NRG1: variants seen among roughly 807,000 people sequenced by gnomAD.
NRG1 encodes the protein pro-neuregulin-1, membrane-bound isoform.
NRG1 carries 18 observed loss-of-function variants against 63.8 expected under a neutral mutation model. The observed-to-expected ratio is 0.28, with a 90% CI of 0.19 to 0.42. NRG1 has a LOEUF of 0.42. NRG1 is among the 10% of genes least tolerant of loss of function. NRG1 has a pLI of 1.00. For synonymous variants in NRG1, 302 were observed against 301.3 expected, an observed-to-expected ratio of 1.00 and a Z score of -0.02; for missense variants, 762 against 814.7, an observed-to-expected ratio of 0.94 and a Z score of 0.79.
rs191561092 is a variant in NRG1 at position 32,678,697 on chromosome 8, T to A, written c.503-49252T>A. ...GAGGTTAAATTGGACTTCCGGGCTT[T>A]GGTGAAATTAATTAATACCACTTCA... On this transcript the variant is annotated intron_variant, in intron 5 of 11. Coordinates refer to ENST00000356819, the Ensembl canonical transcript of NRG1. Among the ~76,000 whole-genome samples, 7 of 152,304 alleles carry A rather than the reference T, an allele frequency of 4.6e-5. No individual in the cohort carries two copies. In the East Asian group the frequency reaches 1.4e-3, roughly 29 times the overall value.
intron 1 of NRG1, among the ~76,000 whole-genome samples, chr8:32,253,643 T>C (rs1849365590): frequency 6.6e-6 from 1 of 152,212 alleles, no homozygotes; most frequent in South Asian, 2.1e-4. Flanking sequence ...GTTATTAGCC[T>C]GGCATTTTCT....
chr8:32,138,266 T>G lies in NRG1; in HGVS notation c.38-457562T>G, dbSNP rs73232226. Among the ~76,000 whole-genome samples, 248 of 152,218 alleles carry G rather than the reference T, an allele frequency of 1.6e-3. 1 individual carries two copies. Among genetic ancestry groups the G allele is most frequent in the Non-Finnish European group, 3.0e-3 (201 of 68,010 alleles). On this transcript the variant is annotated intron_variant, in intron 1 of 10. Transcript: ENST00000519301. ...GCAATAAATAGAATATATCATTGTT[T>G]CACTGCGGACAGAATGTCTGTGCTC...
At chr8:32,746,958 G>C (rs1827560682) in intron 7 of NRG1, among the ~76,000 whole-genome samples, 1 of 148,434 alleles carries the variant, frequency 6.7e-6, no homozygotes, top group Admixed American at 6.8e-5. Flanking sequence ...GGTCTAGTAT[G>C]ACTGATGCAT....
At chr8:32,458,732 G>A (rs570324610) in intron 1 of NRG1, among the ~76,000 whole-genome samples, 1 of 152,186 alleles carries the variant, frequency 6.6e-6, no homozygotes, top group Non-Finnish European at 1.5e-5. Flanking sequence ...TTATTTGTGA[G>A]GTTCAGCTAA....
At position 31,701,838 on chromosome 8, in the gene NRG1, A is replaced by G. The variant is rs555125116; in HGVS notation, c.37+62407A>G. On this transcript the variant is annotated intron_variant, in intron 1 of 10. Coordinates refer to the NRG1 transcript ENST00000519301. The stretch of plus-strand genomic sequence containing the variant: ...CTCAAACTTTAGCAATGTGCATGCA[A>G]ATCACCTGGCAATCTTGTAAAGTGC... Among the ~76,000 whole-genome samples, 33 of 152,328 alleles carry G rather than the reference A, an allele frequency of 2.2e-4. 1 individual carries two copies. In the South Asian group the frequency reaches 5.4e-3, roughly 25 times the overall value.
intron 1 of NRG1, among the ~76,000 whole-genome samples, chr8:32,467,699 A>G (rs1343782509): frequency 6.6e-6 from 1 of 152,182 alleles, no homozygotes; most frequent in Non-Finnish European, 1.5e-5. Context: ...TACACTCTAC[A>G]TGGCAATAGA....
chr8:31,757,173 CT>C (rs1296051936), intron 1 of NRG1, among the ~76,000 whole-genome samples: 1 of 151,864 alleles, frequency 6.6e-6, no homozygotes, highest in East Asian at 1.9e-4. Flanking sequence ...ATTTGTTGTC[CT>C]TTTTTTTCAC....
intron 1 of NRG1, among the ~76,000 whole-genome samples, chr8:32,499,125 C>T (rs1396648635): frequency 2.0e-5 from 3 of 152,138 alleles, no homozygotes; most frequent in Non-Finnish European, 2.9e-5. Flanking sequence ...AATCTCAGCA[C>T]ATTCCCACTG....
intron 1 of NRG1, among the ~76,000 whole-genome samples, chr8:32,273,233 A>C (rs1851731160): frequency 6.6e-6 from 1 of 152,050 alleles, no homozygotes; most frequent in Non-Finnish European, 1.5e-5. Flanking sequence ...TTTCTTTCTG[A>C]GTCTTTTCTG....
chr8:32,319,181 C>A (rs1801093899), intron 1 of NRG1, among the ~76,000 whole-genome samples: 1 of 152,194 alleles, frequency 6.6e-6, no homozygotes, highest in Non-Finnish European at 1.5e-5. Flanking sequence ...TTCCCCAACA[C>A]ACATTCCCTA....
At chr8:31,953,544 C>T (rs1803834700) in intron 1 of NRG1, among the ~76,000 whole-genome samples, 1 of 152,136 alleles carries the variant, frequency 6.6e-6, no homozygotes, top group Non-Finnish European at 1.5e-5. Context: ...TCAAAGTACA[C>T]AATCTCTCTT....
intron 1 of NRG1, among the ~76,000 whole-genome samples, chr8:32,475,092 C>G (rs1416338243): frequency 6.6e-6 from 1 of 152,020 alleles, no homozygotes; most frequent in South Asian, 2.1e-4. Context: ...GAAAAAGCCC[C>G]AAGTGTTAGA....
chr8:32,193,815 A>G (rs1842723406), intron 1 of NRG1, among the ~76,000 whole-genome samples: 1 of 152,238 alleles, frequency 6.6e-6, no homozygotes, highest in African/African-American at 2.4e-5. Context: ...GGGGAAATTT[A>G]GACTGAGACA....
chr8:32,049,279 A>T (rs924706639), intron 1 of NRG1, among the ~76,000 whole-genome samples: 2 of 152,164 alleles, frequency 1.3e-5, no homozygotes, highest in Non-Finnish European at 2.9e-5. Flanking sequence ...AAGCATTAAC[A>T]TTCTAAGCTT....
At chr8:32,438,560 A>G (rs1408885413) in intron 1 of NRG1, among the ~76,000 whole-genome samples, 1 of 152,122 alleles carries the variant, frequency 6.6e-6, no homozygotes, top group Non-Finnish European at 1.5e-5. Context: ...AATGAGTGTG[A>G]TTTCTAGATC....
At chr8:32,497,096 T>A (rs1827281909) in intron 1 of NRG1, among the ~76,000 whole-genome samples, 1 of 152,178 alleles carries the variant, frequency 6.6e-6, no homozygotes, top group Non-Finnish European at 1.5e-5. Flanking sequence ...TTTTTAACTC[T>A]TTTGTTGGGG....
chr8:31,979,477 A>T (rs775064126), intron 1 of NRG1, among the ~76,000 whole-genome samples: 4 of 152,082 alleles, frequency 2.6e-5, no homozygotes, highest in Non-Finnish European at 4.4e-5. Flanking sequence ...CTCCTGTCTT[A>T]CTTCCTATAT....
At chr8:32,026,045 A>G (rs1226380962) in intron 1 of NRG1, among the ~76,000 whole-genome samples, 1 of 149,460 alleles carries the variant, frequency 6.7e-6, no homozygotes, top group African/African-American at 2.4e-5. Flanking sequence ...TACATTTACT[A>G]AGTTTAGAGC....
chr8:32,664,910 G>C (rs755691575), intron 5 of NRG1, among the ~76,000 whole-genome samples: 4 of 152,132 alleles, frequency 2.6e-5, no homozygotes, highest in African/African-American at 4.8e-5. Flanking sequence ...AAAATCAGTA[G>C]ATTTATGACA....
Sources: gnomAD v4.1 joint callset for allele counts (sites outside exome capture counted in the v4.1 genomes callset) on GRCh38, gnomAD v4.1.1 for gene constraint, MANE v1.5 for transcripts, NCBI Gene and HGNC (gene_info 2026-07-23, HGNC 2026-07-21) for gene names.